The following TMX3 variants were observed in gnomAD, a reference collection of about 807,000 sequenced individuals.
TMX3 encodes the protein thioredoxin related transmembrane protein 3.
TMX3 carries 40 observed loss-of-function variants against 64.4 expected under a neutral mutation model. That is an observed-to-expected ratio of 0.62 (90% CI 0.48 to 0.81). The LOEUF is 0.81. Ranked by LOEUF, TMX3 falls within the 30% of genes least tolerant of loss-of-function variation. TMX3 has a pLI of 0.00. For missense variants in TMX3, 497 were observed against 534.5 expected (o/e 0.93, Z 0.69); for synonymous variants, 189 against 175.7 (o/e 1.08, Z -0.60).
intron 6 of TMX3, 54 bp from the exon 7 acceptor site, chr18:68,698,085 T>G (rs1364049167): frequency 1.7e-6 from 2 of 1,188,480 alleles, no homozygotes. Context: ...AAGTACATAA[T>G]TTACTATTTA....
intron 14 of TMX3, among the ~76,000 whole-genome samples, chr18:68,680,162 T>C (rs929396926): frequency 2.0e-5 from 3 of 152,226 alleles, no homozygotes; most frequent in Non-Finnish European, 2.9e-5. Context: ...TTCAAACTTC[T>C]TCACCTTGAC....
In TMX3 at chr18:68,674,022, C is replaced by T. The variant is rs1209140898; in HGVS notation, c.*2911G>A. On this transcript the variant is annotated 3_prime_UTR_variant, in exon 16 of 16. Coordinates refer to ENST00000299608, the MANE Select transcript of TMX3 (RefSeq NM_019022.5). ...ATGAAGCAATGATGAAAATATGTTA[C>T]TTTTTGCAACACCAAAATAAAAAGG... 6.6e-6 allele frequency: 1 copy of T among 151,954 alleles called. No individual in the cohort carries two copies. The highest frequency in any genetic ancestry group is 1.9e-4 in the East Asian group (1 of 5,198). The allele number at this position is 151,954 out of a possible 1,614,324, so 9.4% of individuals were successfully genotyped here. A position where few individuals can be genotyped will look rare whatever the true frequency, so the allele number is the denominator to read the frequency against.
At chr18:68,708,027 GTATATGTGTATATATGTGTATA>G (rs2030881614) in intron 4 of TMX3, among the ~76,000 whole-genome samples, 2 of 134,202 alleles carry the variant, frequency 1.5e-5, no homozygotes, top group South Asian at 2.1e-4. Flanking sequence ...GTATATATGT[GTATATGTGTATATATGTGTATA>G]TATATGTGTA....
chr18:68,679,729 A>C (rs1480151353), intron 14 of TMX3, among the ~76,000 whole-genome samples, 198 bp from the exon 15 acceptor site: 1 of 152,056 alleles, frequency 6.6e-6, no homozygotes, highest in African/African-American at 2.4e-5. Context: ...TGCTTGTGTT[A>C]ATTCACCCTG....
intron 4 of TMX3, among the ~76,000 whole-genome samples, chr18:68,708,036 T>C (rs1304385891): frequency 2.4e-5 from 3 of 126,220 alleles, no homozygotes; most frequent in South Asian, 2.1e-4. Flanking sequence ...TGTATATGTG[T>C]ATATATGTGT....
At chr18:68,679,395 T>C (rs1007531858) in intron 15 of TMX3, 68 bp downstream of exon 15, 1 of 1,333,438 alleles carries the variant, frequency 7.5e-7, no homozygotes, top group Non-Finnish European at 1.0e-6. Context: ...ATTCAGATTT[T>C]TAACACAGCT....
At chr18:68,698,062 G>A in intron 6 of TMX3, 31 bp from the exon 7 acceptor site, 1 of 1,459,998 alleles carries the variant, frequency 6.8e-7, no homozygotes, top group African/African-American at 1.4e-5. Flanking sequence ...AAACAAACTT[G>A]AATTATAAAC....
At position 68,675,978 on chromosome 18, in the gene TMX3, T is replaced by C. The variant is rs370262513; in HGVS notation, c.*955A>G. ...TTACATAATAGATGTGTCAATAAAC[T>C]GTGTGTGTCTGTGGGTGCATACGTA... On this transcript the variant is annotated 3_prime_UTR_variant, in exon 16 of 16. Transcript: ENST00000299608. The C allele has an allele frequency of 3.9e-5, 6 of 152,274 alleles. No homozygotes were observed. Among genetic ancestry groups the C allele is most frequent in the African/African-American group, 1.2e-4 (5 of 41,560 alleles). 9.4% of individuals were successfully genotyped at this position (152,274 alleles called of 1,614,324 possible).
chr18:68,685,924 G>A (rs1341832356), intron 10 of TMX3, among the ~76,000 whole-genome samples: 1 of 152,194 alleles, frequency 6.6e-6, no homozygotes, highest in African/African-American at 2.4e-5. Flanking sequence ...GTAAAAACGT[G>A]CTTTGGTGCA....
chr18:68,679,799 G>A (rs1405095204), intron 14 of TMX3, among the ~76,000 whole-genome samples: 1 of 152,102 alleles, frequency 6.6e-6, no homozygotes. Context: ...GGCTGAAGCT[G>A]ACCCACCTCT....
chr18:68,713,313 G>A (rs2031480061), intron 2 of TMX3, among the ~76,000 whole-genome samples: 1 of 152,204 alleles, frequency 6.6e-6, no homozygotes, highest in African/African-American at 2.4e-5. Flanking sequence ...ACATGCAAAT[G>A]AGCGTGGCTG....
In TMX3 at chr18:68,675,986, T is replaced by C. The variant is rs554937684; in HGVS notation, c.*947A>G. On this transcript the variant is annotated 3_prime_UTR_variant, in exon 16 of 16. Transcript: ENST00000299608. ...TAGATGTGTCAATAAACTGTGTGTGTCTGTGGGTGCATACGTACGTATTCT... is the reference window on the plus strand; with the variant it reads ...TAGATGTGTCAATAAACTGTGTGTGCCTGTGGGTGCATACGTACGTATTCT... The C allele has an allele frequency of 6.6e-6, 1 of 152,278 alleles. No homozygotes were observed. The highest frequency in any genetic ancestry group is 1.5e-5 in the Non-Finnish European group (1 of 68,006). 9.4% of individuals were successfully genotyped at this position (152,278 alleles called of 1,614,324 possible). A position where few individuals can be genotyped will look rare whatever the true frequency, so the allele number is the denominator to read the frequency against.
At chr18:68,693,939 C>G (rs539674755) in intron 8 of TMX3, among the ~76,000 whole-genome samples, 1 of 152,084 alleles carries the variant, frequency 6.6e-6, no homozygotes, top group Non-Finnish European at 1.5e-5. Flanking sequence ...ATTCTGAGCA[C>G]GTAAAAACCC....
chr18:68,701,705 T>TAATAAA (rs754568313), intron 5 of TMX3, 40 bp downstream of exon 5: 2 of 1,609,876 alleles, frequency 1.2e-6, no homozygotes, highest in African/African-American at 2.7e-5. Flanking sequence ...TAGAGTGAAC[T>TAATAAA]AATAAAAATA....
At chr18:68,699,844 TAACTTG>T (rs1915494681) in intron 6 of TMX3, among the ~76,000 whole-genome samples, 2 of 152,178 alleles carry the variant, frequency 1.3e-5, no homozygotes, top group Admixed American at 6.5e-5. Flanking sequence ...TAGGGATCGG[TAACTTG>T]AACAGATCCT....
intron 8 of TMX3, 147 bp from the exon 9 acceptor site, chr18:68,691,508 C>T (rs1914521648): frequency 1.9e-6 from 1 of 514,854 alleles, no homozygotes; most frequent in South Asian, 3.8e-5. Context: ...AGAGTACAGT[C>T]AATCCCAAAC....
intron 4 of TMX3, among the ~76,000 whole-genome samples, chr18:68,702,797 C>T (rs1275310701): frequency 6.6e-6 from 1 of 152,180 alleles, no homozygotes; most frequent in Non-Finnish European, 1.5e-5. Context: ...GGTTTCTCAT[C>T]AACTCACCAA....
chr18:68,677,024 T>A lies in TMX3; in HGVS notation c.1274A>T (p.Glu425Val), dbSNP rs750788256. The change falls in exon 16 of 16, where the codon GAG becomes GTG. Residue 425 changes from glutamate (E) to valine (V), a missense_variant. Around this residue, in one of 3 missense-constraint regions of TMX3, gnomAD observed 94 missense variants for 75.8 expected, o/e 1.24. Coordinates refer to ENST00000299608, the MANE Select transcript of TMX3 (RefSeq NM_019022.5). The part of the protein sequence containing the change: ...SENENQEQIE[E>V]SKEQQEPSSG... The stretch of plus-strand genomic sequence containing the variant: ...GCTGGGCTCCTGCTGTTCTTTGCTC[T>A]CTTCTATCTGTTCTTGGTTTTCATT... 5 of 1,613,726 alleles carry A rather than the reference T, an allele frequency of 3.1e-6. No individual in the cohort carries two copies. The Middle Eastern group carries it at 4.9e-4, about 159-fold the overall frequency.
chr18:68,706,014 ACT>A (rs2030623964), intron 4 of TMX3, among the ~76,000 whole-genome samples: 1 of 152,174 alleles, frequency 6.6e-6, no homozygotes, highest in Non-Finnish European at 1.5e-5. Flanking sequence ...AAACCCTGTA[ACT>A]CTCTACCAAA....
Sources: allele counts gnomAD v4.1 joint callset (sites outside exome capture counted in the v4.1 genomes callset), GRCh38; gene constraint gnomAD v4.1.1; regional missense constraint gnomAD v4.1.1; transcripts MANE v1.5; gene names NCBI Gene and HGNC (gene_info 2026-07-23, HGNC 2026-07-21).